Variants in MACF1 observed in about 807,000 individuals in gnomAD.
MACF1 encodes microtubule-actin cross-linking factor 1.
Under a neutral mutation model 854.8 loss-of-function variants are expected in MACF1, and 193 were observed. The observed-to-expected ratio is 0.23, with a 90% CI of 0.20 to 0.25. The LOEUF (loss-of-function observed/expected upper bound fraction) is 0.25, where lower values mean the gene tolerates loss of function less well. Ranked by LOEUF, MACF1 falls within the 10% of genes least tolerant of loss-of-function variation. The pLI is 1.00. For missense variants in MACF1, 7,722 were observed against 8,929.1 expected, an observed-to-expected ratio of 0.86 and a Z score of 5.45; for synonymous variants, 3,185 against 3,226.7, an observed-to-expected ratio of 0.99 and a Z score of 0.44.
chr1:39,461,845 C>T (rs1644562517), intron 92 of MACF1, 38 bp from the exon 93 acceptor site: 2 of 1,473,106 alleles, frequency 1.4e-6, no homozygotes, highest in East Asian at 4.7e-5. Flanking sequence ...GAACAAGTAC[C>T]CCTCTTAATG....
rs1445751019 is a variant in MACF1 at position 39,094,658 on chromosome 1, C to T, written c.220+10220C>T. On this transcript the variant is annotated intron_variant, in intron 2 of 93. Coordinates refer to the MACF1 transcript ENST00000361689. ...GCTTGAACCTGGGAGGCGGAAGTTGCGGTGAGCTGAGATCGCGCCATTGCA... is the reference window on the plus strand; with the variant it reads ...GCTTGAACCTGGGAGGCGGAAGTTGTGGTGAGCTGAGATCGCGCCATTGCA... 1.7e-4 allele frequency among the ~76,000 whole-genome samples: 25 copies of T among 150,398 alleles called. No homozygotes were observed. The Middle Eastern group carries it at 0.014, about 84-fold the overall frequency.
In MACF1 at chr1:39,456,039, C is replaced by G. The variant is rs551790043; in HGVS notation, c.21075+942C>G. 2.2e-4 allele frequency among the ~76,000 whole-genome samples: 33 copies of G among 152,226 alleles called. 1 individual carries two copies. The highest frequency in any genetic ancestry group is 7.9e-4 in the African/African-American group (33 of 41,544). On this transcript the variant is annotated intron_variant, in intron 89 of 100. Transcript: ENST00000564288. Reference sequence around the variant, plus strand: ...AAAGGTTATACATATTCAGTAGAAACTATACAATTAGAGGCCAGGCGTGGT... The same window carrying G: ...AAAGGTTATACATATTCAGTAGAAAGTATACAATTAGAGGCCAGGCGTGGT...
Position 39,379,241 on chromosome 1 carries a change from T to A in MACF1, c.13315T>A (p.Leu4439Met). The change falls in exon 54 of 101, where the codon TTG becomes ATG. Residue 4439 changes from leucine (L) to methionine (M), a missense_variant. Leu to Met is a conservative substitution (Grantham distance 15). This residue lies in a region of MACF1 where 2,807 missense variants were observed against 3,235.8 expected (regional missense o/e 0.87). Transcript: ENST00000564288. ...CCAGTGTGACATGTCAGATGTAAAC[T>A]TGAAGTATGAGAAACTAGGGGGAGT... The part of the protein sequence containing the change: ...EIQCDMSDVN[L>M]KYEKLGGVLH... 1.2e-6 allele frequency: 2 copies of A among 1,610,954 alleles called. No individual in the cohort carries two copies. Among genetic ancestry groups the A allele is most frequent in the Non-Finnish European group, 1.7e-6 (2 of 1,178,782 alleles).
intron 1 of MACF1, 94 bp from the exon 2 acceptor site, chr1:39,231,088 T>C (rs927307418): frequency 1.1e-6 from 1 of 935,860 alleles, no homozygotes; most frequent in Non-Finnish European, 1.8e-6. Context: ...GGGTAAGTTG[T>C]TCTAGAGAAA....
At chr1:39,349,729 C>A in intron 42 of MACF1, 102 bp downstream of exon 42, 1 of 1,242,476 alleles carries the variant, frequency 8.0e-7, no homozygotes, top group Non-Finnish European at 1.1e-6. Flanking sequence ...ATCTCCTGGG[C>A]TCAGGCAATC....
At chr1:39,202,599 CACTCCAGCCTGGGCAACAGAGCAAG>C (rs1644404882), upstream of MACF1, among the ~76,000 whole-genome samples, 3 of 151,734 alleles carry the variant, frequency 2.0e-5, no homozygotes, top group South Asian at 6.3e-4. Context: ...CATGCCACTG[CACTCCAGCCTGGGCAACAGAGCAAG>C]ACTCTGTCTC....
At chr1:39,371,489 TGAAGGCTA>T (rs1434966144) in intron 51 of MACF1, among the ~76,000 whole-genome samples, 1 of 152,026 alleles carries the variant, frequency 6.6e-6, no homozygotes, top group Admixed American at 6.6e-5. Flanking sequence ...AGGAGGGCAA[TGAAGGCTA>T]GAATGGTGTC....
At chr1:39,246,545 G>A (rs1237054128) in intron 2 of MACF1, among the ~76,000 whole-genome samples, 1 of 152,134 alleles carries the variant, frequency 6.6e-6, no homozygotes, top group Non-Finnish European at 1.5e-5. Context: ...TTTCACTCCT[G>A]TTGCCCGGGC....
At chr1:39,338,435 G>A (rs543282037) in intron 38 of MACF1, among the ~76,000 whole-genome samples, 3 of 152,226 alleles carry the variant, frequency 2.0e-5, no homozygotes, top group South Asian at 4.1e-4. Flanking sequence ...TTATACTACA[G>A]AACTCCCCAA....
chr1:39,459,968 A>C (rs1474883674), intron 91 of MACF1: 2 of 558,598 alleles, frequency 3.6e-6, no homozygotes, highest in African/African-American at 4.0e-5. Context: ...TGCACTCTTT[A>C]AGTCATTTTG....
chr1:39,263,228 G>A (rs1345296045), intron 6 of MACF1, among the ~76,000 whole-genome samples: 1 of 152,122 alleles, frequency 6.6e-6, no homozygotes, highest in Non-Finnish European at 1.5e-5. Context: ...GACATGGATG[G>A]TAGTTTTCAC....
intron 58 of MACF1, among the ~76,000 whole-genome samples, chr1:39,391,147 C>A (rs559586012): frequency 1.3e-5 from 2 of 151,526 alleles, no homozygotes; most frequent in African/African-American, 4.8e-5. Flanking sequence ...TTCATCTAAC[C>A]AGGTTCTGGT....
chr1:39,361,697 G>A lies in MACF1; in HGVS notation c.12771+20G>A. 2 of 1,611,222 alleles carry A rather than the reference G, an allele frequency of 1.2e-6. No homozygotes were observed. Among genetic ancestry groups the A allele is most frequent in the African/African-American group, 1.3e-5 (1 of 74,890 alleles). ...ATCCAGGTGAGGATATATCTGCCAT[G>A]TTAGCAGAATAAAGGGAAGAGAAGG... On this transcript the variant is annotated intron_variant, in intron 49 of 100. Coordinates refer to ENST00000564288, the MANE Select transcript of MACF1 (RefSeq NM_001394062.1).
At chr1:39,161,809 G>A (rs1279531806) in intron 2 of MACF1, among the ~76,000 whole-genome samples, 2 of 151,974 alleles carry the variant, frequency 1.3e-5, no homozygotes, top group Admixed American at 1.3e-4. Flanking sequence ...AGAGCTTGCA[G>A]TGAGCAGAGA....
chr1:39,374,241 A>G (rs1441922346), intron 52 of MACF1, among the ~76,000 whole-genome samples: 2 of 151,554 alleles, frequency 1.3e-5, no homozygotes, highest in African/African-American at 4.8e-5. Flanking sequence ...GACTCTGTCT[A>G]AAAAAAAATA....
Position 39,368,166 on chromosome 1 carries a change from G to A in MACF1, c.12790G>A (p.Glu4264Lys). The A allele has an allele frequency of 6.2e-7, 1 of 1,613,906 alleles. No homozygotes were observed. Among genetic ancestry groups the A allele is most frequent in the East Asian group, 2.2e-5 (1 of 44,876 alleles). Residue 4264 changes from glutamate (E) to lysine (K), a missense_variant, in exon 50 of 101, where the codon GAA (glutamate) becomes AAA (lysine). By Grantham distance (56) the Glu-to-Lys change is moderately conservative. Transcript: ENST00000564288. Reference protein sequence around the residue: ...QQIQELNLEMEDQQENLDTLE... With the variant: ...QQIQELNLEMKDQQENLDTLE... Reference sequence around the variant, plus strand: ...TTGACAGGAGCTCAATTTGGAAATGGAAGACCAACAGGAGAACCTAGATAC... The same window carrying A: ...TTGACAGGAGCTCAATTTGGAAATGAAAGACCAACAGGAGAACCTAGATAC...
chr1:39,467,458 A>ATGTT (rs1200085613), intron 95 of MACF1, among the ~76,000 whole-genome samples: 5 of 152,196 alleles, frequency 3.3e-5, no homozygotes, highest in Middle Eastern at 6.8e-3. Context: ...CTCCTACCAG[A>ATGTT]TGTTTGTTTG....
At chr1:39,459,296 A>C (rs771365860) in intron 91 of MACF1, 47 bp downstream of exon 91, 1 of 1,566,150 alleles carries the variant, frequency 6.4e-7, no homozygotes. Context: ...TGCTTTTTTC[A>C]ATCAAAACAC....
At chr1:39,268,066 A>G (rs1387665457) in intron 6 of MACF1, among the ~76,000 whole-genome samples, 1 of 152,204 alleles carries the variant, frequency 6.6e-6, no homozygotes, top group Non-Finnish European at 1.5e-5. Flanking sequence ...TTGGTGCAAC[A>G]CTTAAAATCT....
Sources: allele counts gnomAD v4.1 joint callset (sites outside exome capture counted in the v4.1 genomes callset), GRCh38; gene constraint gnomAD v4.1.1; regional missense constraint gnomAD v4.1.1; transcripts MANE v1.5; gene names NCBI Gene and HGNC (gene_info 2026-07-23, HGNC 2026-07-21).